The following MSMO1 variants were observed in gnomAD, a reference collection of about 807,000 sequenced individuals.
The protein encoded by MSMO1 is methylsterol monooxygenase 1, also known as C-4 methylsterol oxidase.
A neutral mutation model predicts 30.4 loss-of-function variants in MSMO1; 18 were observed. The observed-to-expected ratio is 0.59, with a 90% CI of 0.41 to 0.88. MSMO1 has a LOEUF of 0.88. Ranked by LOEUF, MSMO1 falls within the 40% of genes least tolerant of loss-of-function variation. The pLI, the probability that MSMO1 is intolerant of heterozygous loss-of-function variation, is 0.00. For synonymous variants in MSMO1, 84 were observed against 107.9 expected, an observed-to-expected ratio of 0.78 and a Z score of 1.37; for missense variants, 284 against 340.5, an observed-to-expected ratio of 0.83 and a Z score of 1.31.
At chr4:165,341,675 C>A in intron 5 of MSMO1, 76 bp from the exon 6 acceptor site, 1 of 1,355,372 alleles carries the variant, frequency 7.4e-7, no homozygotes, top group African/African-American at 1.4e-5. Flanking sequence ...TTAATGTGAA[C>A]ACATGATTAT....
At position 165,338,781 on chromosome 4, in the gene MSMO1, A is replaced by G. The variant is rs1194934814; in HGVS notation, c.531+3A>G. 3 of 1,580,862 alleles carry G rather than the reference A, an allele frequency of 1.9e-6. No homozygotes were observed. Among genetic ancestry groups the G allele is most frequent in the Non-Finnish European group, 2.6e-6 (3 of 1,151,030 alleles). ...ATAAAGTTCATCATGAGTTTCAGGT[A>G]TGTGAGAGTTATATTTAATTCTTTC... On this transcript the variant is annotated splice_donor_region_variant and intron_variant, in intron 4 of 5. Coordinates refer to ENST00000261507, the MANE Select transcript of MSMO1 (RefSeq NM_006745.5).
chr4:165,332,767 C>T (rs191637979), intron 1 of MSMO1, among the ~76,000 whole-genome samples: 18 of 152,294 alleles, frequency 1.2e-4, no homozygotes, highest in Non-Finnish European at 2.2e-4. Context: ...TTTCTGTGAA[C>T]TGCTTGTGAA....
intron 2 of MSMO1, 45 bp downstream of exon 2, chr4:165,333,670 T>G: frequency 1.3e-6 from 2 of 1,515,048 alleles, no homozygotes; most frequent in Non-Finnish European, 1.8e-6. Flanking sequence ...TTAATGTTGC[T>G]GAATATTTTA....
At chr4:165,335,867 TA>T (rs1324259694) in intron 2 of MSMO1, among the ~76,000 whole-genome samples, 2 of 152,180 alleles carry the variant, frequency 1.3e-5, no homozygotes, top group Non-Finnish European at 2.9e-5. Context: ...GCATTTTTGA[TA>T]AAAAATGTGA....
At chr4:165,338,463 A>G (rs1339196326) in intron 3 of MSMO1, among the ~76,000 whole-genome samples, 189 bp from the exon 4 acceptor site, 1 of 152,082 alleles carries the variant, frequency 6.6e-6, no homozygotes, top group Non-Finnish European at 1.5e-5. Context: ...CAGTCTCTTT[A>G]ACCTTATATC....
In MSMO1 at chr4:165,341,936, A is replaced by G. The variant is rs774961093; in HGVS notation, c.872A>G (p.Lys291Arg). ...YNEKRKKFEK[K>R]TE ...GAAAAGAGGAAGAAGTTTGAGAAAA[A>G]GACTGAATAAATATCTCACGTAAAC... The change falls in exon 6 of 6, where the codon AAG (lysine) becomes AGG (arginine). Residue 291 changes from lysine to arginine, a missense_variant. By Grantham distance (26) the Lys-to-Arg change is conservative. Coordinates refer to ENST00000261507, the MANE Select transcript of MSMO1 (RefSeq NM_006745.5). 1.2e-6 allele frequency: 2 copies of G among 1,609,448 alleles called. No individual in the cohort carries two copies. Among genetic ancestry groups the G allele is most frequent in the African/African-American group, 2.7e-5 (2 of 74,832 alleles).
chr4:165,333,840 G>A (rs1747467060), intron 2 of MSMO1, among the ~76,000 whole-genome samples: 2 of 152,188 alleles, frequency 1.3e-5, no homozygotes, highest in South Asian at 4.1e-4. Context: ...CTCAATAAAT[G>A]TAAACTATCG....
chr4:165,340,655 A>G, intron 5 of MSMO1: 1 of 388,482 alleles, frequency 2.6e-6, no homozygotes, highest in Non-Finnish European at 4.7e-6. Context: ...AACTTAACTC[A>G]TATTTGAAAA....
chr4:165,340,348 G>A lies in MSMO1; in HGVS notation c.659G>A (p.Arg220His). The A allele has an allele frequency of 5.0e-6, 8 of 1,613,590 alleles. No homozygotes were observed. Among genetic ancestry groups the A allele is most frequent in the Non-Finnish European group, 6.8e-6 (8 of 1,179,754 alleles). Residue 220 changes from arginine (R) to histidine (H), a missense_variant, in exon 5 of 6, where the codon CGT (arginine) becomes CAT (histidine). Arg to His is a conservative substitution (Grantham distance 29, BLOSUM62 0). Coordinates refer to ENST00000261507, the MANE Select transcript of MSMO1 (RefSeq NM_006745.5). ...VILLWAWVTI[R>H]LLETIDVHSG... is the part of the protein sequence containing the mutation. ...CTTCTTTGGGCATGGGTGACCATTC[G>A]TTTATTAGAAACTATTGATGTCCAT...
intron 2 of MSMO1, among the ~76,000 whole-genome samples, chr4:165,334,451 A>G (rs1041550330): frequency 3.9e-5 from 6 of 152,254 alleles, no homozygotes; most frequent in African/African-American, 1.2e-4. Context: ...TCTATGTTCC[A>G]GTAAATCTAA....
chr4:165,339,096 C>CTTTTTT lies in MSMO1; in HGVS notation c.531+338_531+343dup, dbSNP rs869192459. 3.8e-3 allele frequency among the ~76,000 whole-genome samples: 227 copies of CTTTTTT among 60,520 alleles called. 22 individuals carry two copies. Among genetic ancestry groups the CTTTTTT allele is most frequent in the African/African-American group, 7.7e-3 (114 of 14,824 alleles). The allele number at this position is 60,520 out of a possible 152,430, so 39.7% of individuals were successfully genotyped here. ...AAAACAGTAACTTCTATGAGCACTG[C>CTTTTTT]TTTTTTTTTTTTTTTTTTTTTTTTT... On this transcript the variant is annotated intron_variant, in intron 4 of 5. Transcript: ENST00000261507.
chr4:165,334,037 T>C (rs886656556), intron 2 of MSMO1, among the ~76,000 whole-genome samples: 6 of 152,168 alleles, frequency 3.9e-5, no homozygotes, highest in Admixed American at 6.5e-5. Flanking sequence ...AGCAGAAAGA[T>C]TGCAGCACTA....
intron 4 of MSMO1, among the ~76,000 whole-genome samples, chr4:165,339,287 A>ACT (rs1747650140): frequency 2.0e-5 from 3 of 151,694 alleles, no homozygotes; most frequent in Admixed American, 1.3e-4. Flanking sequence ...TATTTTTAGT[A>ACT]GAGACAGGAT....
At chr4:165,341,525 A>G (rs1027315787) in intron 5 of MSMO1, among the ~76,000 whole-genome samples, 2 of 151,864 alleles carry the variant, frequency 1.3e-5, no homozygotes, top group African/African-American at 4.8e-5. Context: ...TTTTATCATA[A>G]AATAAATGAT....
chr4:165,336,649 G>C (rs528591139), intron 2 of MSMO1, among the ~76,000 whole-genome samples: 7 of 152,280 alleles, frequency 4.6e-5, no homozygotes, highest in Middle Eastern at 3.4e-3. Flanking sequence ...AGAGGAGTGG[G>C]GTTAGATAAT....
chr4:165,340,490 T>A, intron 5 of MSMO1, 115 bp downstream of exon 5: 7 of 865,620 alleles, frequency 8.1e-6, no homozygotes, highest in Non-Finnish European at 1.3e-5. Flanking sequence ...TTCTTAATGT[T>A]ATATTAAGAA....
At chr4:165,336,894 A>G (rs923400653) in intron 2 of MSMO1, among the ~76,000 whole-genome samples, 5 of 152,196 alleles carry the variant, frequency 3.3e-5, no homozygotes, top group African/African-American at 1.2e-4. Context: ...AGTTAGTCCA[A>G]CTTCTGCTAA....
At chr4:165,338,524 C>A in intron 3 of MSMO1, 128 bp from the exon 4 acceptor site, 1 of 737,198 alleles carries the variant, frequency 1.4e-6, no homozygotes, top group Non-Finnish European at 2.3e-6. Context: ...ATGAATATAT[C>A]CAATTAGGTC....
intron 1 of MSMO1, among the ~76,000 whole-genome samples, chr4:165,330,311 G>A (rs1434994974): frequency 6.6e-6 from 1 of 152,222 alleles, no homozygotes; most frequent in Non-Finnish European, 1.5e-5. Context: ...AAGTGAAAAT[G>A]TAGAGAGCAG....
Sources: gnomAD v4.1 joint callset for allele counts (sites outside exome capture counted in the v4.1 genomes callset) on GRCh38, gnomAD v4.1.1 for gene constraint, MANE v1.5 for transcripts, NCBI Gene and HGNC (gene_info 2026-07-23, HGNC 2026-07-21) for gene names.